The following COIL variants were observed in gnomAD, a reference collection of about 807,000 sequenced individuals.
COIL encodes the protein coilin p80.
Under a neutral mutation model 51.6 loss-of-function variants are expected in COIL, and 28 were observed. That is an observed-to-expected ratio of 0.54 (90% CI 0.40 to 0.74). The LOEUF (loss-of-function observed/expected upper bound fraction) is 0.74. COIL is among the 30% of genes least tolerant of loss of function. The pLI, the probability that COIL is intolerant of heterozygous loss-of-function variation, is 0.00. For synonymous variants in COIL, 233 were observed against 255.8 expected, an observed-to-expected ratio of 0.91 and a Z score of 0.85; for missense variants, 667 against 685.9, an observed-to-expected ratio of 0.97 and a Z score of 0.31.
intron 5 of COIL, among the ~76,000 whole-genome samples, chr17:56,944,935 C>T (rs1208089276): frequency 2.0e-5 from 3 of 151,746 alleles, no homozygotes; most frequent in African/African-American, 4.8e-5. Context: ...GAGGATGGTG[C>T]GAACCTGGGA....
chr17:56,944,635 C>G (rs1910210599), intron 5 of COIL, among the ~76,000 whole-genome samples: 1 of 151,828 alleles, frequency 6.6e-6, no homozygotes, highest in African/African-American at 2.4e-5. Context: ...TATATATAAA[C>G]ATTTACTTAA....
At position 56,950,475 on chromosome 17, in the gene COIL, G is replaced by C. The variant is rs761327467; in HGVS notation, c.767C>G (p.Ser256Cys). 4 of 1,614,070 alleles carry C rather than the reference G, an allele frequency of 2.5e-6. No individual in the cohort carries two copies. The highest frequency in any genetic ancestry group is 1.3e-5 in the African/African-American group (1 of 74,942). ...SSSESESCDE[S>C]ISDGPSKVTL... is the part of the protein sequence containing the mutation. ...GACTTTGCTGGGACCATCACTGATA[G>C]ATTCATCACAAGATTCAGACTCCGA... The change falls in exon 2 of 7, where the codon TCT becomes TGT. Residue 256 changes from serine (S) to cysteine (C), a missense_variant. Transcript: ENST00000240316.
Position 56,950,136 on chromosome 17 carries a change from C to A in COIL, c.1106G>T (p.Arg369Leu), listed in dbSNP as rs767835581. Residue 369 changes from arginine to leucine, a missense_variant, in exon 2 of 7, where the codon CGT becomes CTT. Transcript: ENST00000240316. ...SQTAGAAGWR[R>L]SGSNGGGQAP... ...CTGTCCACCACCATTTGAGCCAGAA[C>A]GCCTCCATCCAGCAGCACCTGCAGT... The A allele has an allele frequency of 6.2e-7, 1 of 1,614,170 alleles. No individual in the cohort carries two copies. Among genetic ancestry groups the A allele is most frequent in the Admixed American group, 1.7e-5 (1 of 60,014 alleles).
intron 4 of COIL, among the ~76,000 whole-genome samples, chr17:56,948,773 ACCTGTGG>A: frequency 6.7e-6 from 1 of 149,312 alleles, no homozygotes; most frequent in Non-Finnish European, 1.5e-5. Flanking sequence ...TTTATGAATT[ACCTGTGG>A]TTACCTGATA....
chr17:56,950,391 G>T lies in COIL; in HGVS notation c.851C>A (p.Pro284His). ...KLPTELSKEE[P>H]STKNTTADKL... ...GTCTGCAGTTGTATTTTTGGTAGAG[G>T]GTTCTTCCTTTGATAACTCAGTTGG... Residue 284 changes from proline (P) to histidine (H), a missense_variant, in exon 2 of 7, where the codon CCC becomes CAC. Pro to His is a moderately conservative substitution (Grantham distance 77, BLOSUM62 -2). Transcript: ENST00000240316. The T allele has an allele frequency of 6.2e-7, 1 of 1,614,122 alleles. No homozygotes were observed.
chr17:56,940,693 T>C (rs1910129195), intron 6 of COIL, among the ~76,000 whole-genome samples: 1 of 152,186 alleles, frequency 6.6e-6, no homozygotes, highest in Non-Finnish European at 1.5e-5. Context: ...ATGTTTGCAA[T>C]ATTGAAACTT....
At position 56,950,915 on chromosome 17, in the gene COIL, T is replaced by C; in HGVS notation, c.327A>G (p.Ala109=). ...NGDINLSLRK[A]KKRAFQLEEG... is the part of the protein sequence containing the mutation. The stretch of plus-strand genomic sequence containing the variant: ...CCTCTAACTGAAATGCCCGCTTCTT[T>C]GCTTTTCTAAGAGATAAATTAATGT... The change falls in exon 2 of 7, where the codon GCA becomes GCG. Residue 109 remains alanine (A), a synonymous_variant. Transcript: ENST00000240316. 1 of 1,613,792 alleles carries C rather than the reference T, an allele frequency of 6.2e-7. No individual in the cohort carries two copies. Among genetic ancestry groups the C allele is most frequent in the South Asian group, 1.1e-5 (1 of 91,074 alleles).
chr17:56,958,842 G>T (rs1489674335), intron 1 of COIL, among the ~76,000 whole-genome samples: 2 of 152,206 alleles, frequency 1.3e-5, no homozygotes, highest in Middle Eastern at 3.2e-3. Context: ...ATTGTCATTT[G>T]AAACAGTTGA....
chr17:56,955,974 T>C (rs183929247), intron 1 of COIL, among the ~76,000 whole-genome samples: 2 of 152,326 alleles, frequency 1.3e-5, no homozygotes, highest in South Asian at 2.1e-4. Context: ...ACACACTTTA[T>C]ATACTGAGAT....
At position 56,950,247 on chromosome 17, in the gene COIL, C is replaced by T. The variant is rs1261768950; in HGVS notation, c.995G>A (p.Ser332Asn). 1 of 1,614,186 alleles carries T rather than the reference C, an allele frequency of 6.2e-7. No individual in the cohort carries two copies. Among genetic ancestry groups the T allele is most frequent in the Middle Eastern group, 1.6e-4 (1 of 6,062 alleles). The change falls in exon 2 of 7, where the codon AGC becomes AAC. Residue 332 changes from serine (S) to asparagine (N), a missense_variant. Transcript: ENST00000240316. ...ESDDQCLMSS[S>N]TPECAAGFLK... Reference sequence around the variant, plus strand: ...GAAACCCGCAGCACACTCCGGGGTGCTCGATGACATCAAGCATTGGTCGTC... The same window carrying T: ...GAAACCCGCAGCACACTCCGGGGTGTTCGATGACATCAAGCATTGGTCGTC...
chr17:56,943,111 G>T (rs77103235), intron 5 of COIL, among the ~76,000 whole-genome samples: 1 of 152,154 alleles, frequency 6.6e-6, no homozygotes, highest in Non-Finnish European at 1.5e-5. Flanking sequence ...GGGGGAGTTT[G>T]AACAGTGCTT....
At chr17:56,941,488 C>A (rs994211601) in intron 6 of COIL, among the ~76,000 whole-genome samples, 2 of 152,150 alleles carry the variant, frequency 1.3e-5, no homozygotes, top group African/African-American at 4.8e-5. Context: ...GAGAATCGCT[C>A]GAACCTGAGA....
chr17:56,955,355 T>A (rs1910463474), intron 1 of COIL, among the ~76,000 whole-genome samples: 1 of 152,170 alleles, frequency 6.6e-6, no homozygotes, highest in African/African-American at 2.4e-5. Context: ...TGAGCCACCA[T>A]GCCCAGCTAT....
At position 56,951,703 on chromosome 17, in the gene COIL, G is replaced by A. The variant is rs7219657; in HGVS notation, c.246-707C>T. On this transcript the variant is annotated intron_variant, in intron 1 of 6. Coordinates refer to ENST00000240316, the MANE Select transcript of COIL (RefSeq NM_004645.3). ...AATGTCTTGGCTGATGCTCTCAAGA[G>A]CATCAACAAAGCTGAAAAGCAAGGT... The A allele has an allele frequency of 9.3e-3, 1,424 of 153,312 alleles. 8 individuals carry two copies. The highest frequency in any genetic ancestry group is 0.016 in the Non-Finnish European group (1,078 of 68,670). The allele number at this position is 153,312 out of a possible 1,614,324, so 9.5% of individuals were successfully genotyped here. A position where few individuals can be genotyped will look rare whatever the true frequency, so the allele number is the denominator to read the frequency against.
chr17:56,958,886 A>G (rs1598100339), intron 1 of COIL, among the ~76,000 whole-genome samples: 1 of 152,388 alleles, frequency 6.6e-6, no homozygotes, highest in East Asian at 1.9e-4. Context: ...TCCTGATTTA[A>G]AGATGCAGTT....
At chr17:56,945,318 A>G (rs143271118) in intron 5 of COIL, among the ~76,000 whole-genome samples, 1,527 of 152,178 alleles carry the variant, frequency 0.01, 31 homozygotes, top group African/African-American at 0.036. Context: ...AGCCTGGGCG[A>G]TAGAGTGAGA....
At chr17:56,947,682 G>A (rs1215823127) in intron 4 of COIL, among the ~76,000 whole-genome samples, 1 of 152,092 alleles carries the variant, frequency 6.6e-6, no homozygotes, top group African/African-American at 2.4e-5. Context: ...TGTTGGCCAG[G>A]CTGGTCTCGA....
At chr17:56,958,985 C>T (rs1373649656) in intron 1 of COIL, among the ~76,000 whole-genome samples, 1 of 151,940 alleles carries the variant, frequency 6.6e-6, no homozygotes, top group East Asian at 1.9e-4. Flanking sequence ...CGACAAAGGG[C>T]AGCAAGAGAA....
rs2332864 is a variant in COIL, at chr17:56,938,881, A to C, written c.*190T>G. On this transcript the variant is annotated 3_prime_UTR_variant, in exon 7 of 7. Coordinates refer to ENST00000240316, the MANE Select transcript of COIL (RefSeq NM_004645.3). ...AACTGAAATTAAACCTGACAAAAAAACCAAAGATCTACAAAACCGACACCC... is the reference window on the plus strand; with the variant it reads ...AACTGAAATTAAACCTGACAAAAAACCCAAAGATCTACAAAACCGACACCC... 6.7e-6 allele frequency: 3 copies of C among 449,708 alleles called. No individual in the cohort carries two copies. Among genetic ancestry groups the C allele is most frequent in the Non-Finnish European group, 7.8e-6 (2 of 255,914 alleles). 27.9% of individuals were successfully genotyped at this position (449,708 alleles called of 1,614,324 possible). A position where few individuals can be genotyped will look rare whatever the true frequency, so the allele number is the denominator to read the frequency against.
Sources: gnomAD v4.1 joint callset for allele counts (sites outside exome capture counted in the v4.1 genomes callset) on GRCh38, gnomAD v4.1.1 for gene constraint, MANE v1.5 for transcripts, NCBI Gene and HGNC (gene_info 2026-07-23, HGNC 2026-07-21) for gene names.